The following BMPR1B variants were observed in gnomAD, a reference collection of about 807,000 sequenced individuals.
The protein encoded by BMPR1B is bone morphogenetic protein receptor type-1B.
In BMPR1B, 12 loss-of-function variants were observed where a neutral mutation model predicts 59.1. That is an observed-to-expected ratio of 0.20 (90% CI 0.13 to 0.33). The LOEUF (loss-of-function observed/expected upper bound fraction) is 0.33. BMPR1B is among the 10% of genes least tolerant of loss of function. The probability of loss-of-function intolerance (pLI) is 1.00; values close to 1 mark genes in which losing one functional copy is unlikely to be tolerated. For missense variants in BMPR1B, 550 were observed against 610.9 expected (o/e 0.90, Z 1.05); for synonymous variants, 237 against 207.3 (o/e 1.14, Z -1.23).
rs1215659546 is a variant in BMPR1B at position 95,157,402 on chromosome 4, A to G, written c.*2729A>G. 1 of 152,096 alleles carries G rather than the reference A, an allele frequency of 6.6e-6. No homozygotes were observed. 9.4% of individuals were successfully genotyped at this position (152,096 alleles called of 1,614,324 possible). A position where few individuals can be genotyped will look rare whatever the true frequency, so the allele number is the denominator to read the frequency against. On this transcript the variant is annotated 3_prime_UTR_variant, in exon 13 of 13. Transcript: ENST00000515059. ...AATCCTTTATGATTTCAAAATTTCT[A>G]GTGGCTCAGAAGTGAATTTTATTTT...
intron 3 of BMPR1B, among the ~76,000 whole-genome samples, chr4:95,038,053 G>A (rs924262013): frequency 2.6e-5 from 4 of 152,124 alleles, no homozygotes; most frequent in Non-Finnish European, 5.9e-5. Flanking sequence ...TTTGGGAATG[G>A]GGTGGTTGTA....
At chr4:95,003,998 G>A (rs1045656865) in intron 3 of BMPR1B, among the ~76,000 whole-genome samples, 1 of 151,542 alleles carries the variant, frequency 6.6e-6, no homozygotes, top group South Asian at 2.1e-4. Flanking sequence ...AGTAGAGATA[G>A]GGTTTCACTA....
chr4:94,911,531 A>T (rs115913729), intron 2 of BMPR1B, among the ~76,000 whole-genome samples: 164 of 152,256 alleles, frequency 1.1e-3, no homozygotes, highest in African/African-American at 3.5e-3. Context: ...TGTTTCCGGG[A>T]GTCCTCTAGT....
chr4:94,945,323 T>C (rs977582026), intron 2 of BMPR1B, among the ~76,000 whole-genome samples: 8 of 152,152 alleles, frequency 5.3e-5, no homozygotes, highest in African/African-American at 1.9e-4. Context: ...AGGTAAAAAA[T>C]AAAAATGCTT....
chr4:94,790,818 A>AT (rs1285699491), intron 1 of BMPR1B, among the ~76,000 whole-genome samples: 1 of 152,034 alleles, frequency 6.6e-6, no homozygotes, highest in Non-Finnish European at 1.5e-5. Flanking sequence ...ACCTCTTGTT[A>AT]TTTTTATCAC....
chr4:94,855,813 G>C, intron 1 of BMPR1B, among the ~76,000 whole-genome samples: 1 of 152,116 alleles, frequency 6.6e-6, no homozygotes, highest in East Asian at 1.9e-4. Context: ...TCTTGTGCTT[G>C]GAAGTGAAAT....
chr4:94,906,690 T>G (rs1289251565), intron 2 of BMPR1B, among the ~76,000 whole-genome samples: 1 of 152,054 alleles, frequency 6.6e-6, no homozygotes, highest in Non-Finnish European at 1.5e-5. Flanking sequence ...TCCTTTCATT[T>G]TGTATCTCCT....
At chr4:94,860,663 T>C (rs534299359) in intron 1 of BMPR1B, among the ~76,000 whole-genome samples, 1 of 152,318 alleles carries the variant, frequency 6.6e-6, no homozygotes, top group East Asian at 1.9e-4. Context: ...AGGAGTTTGC[T>C]TCCCCTGTCA....
chr4:95,003,801 CT>C (rs5860385), intron 3 of BMPR1B, among the ~76,000 whole-genome samples: 7 of 84,562 alleles, frequency 8.3e-5, no homozygotes, highest in South Asian at 5.3e-4. Context: ...CAAAGTCCAT[CT>C]TTTTTTTTTT....
intron 3 of BMPR1B, among the ~76,000 whole-genome samples, chr4:95,053,495 ATAAT>A (rs1265891909): frequency 2.0e-5 from 3 of 152,166 alleles, no homozygotes; most frequent in Non-Finnish European, 2.9e-5. Flanking sequence ...AATAGGGATA[ATAAT>A]TATATTTACT....
At chr4:94,873,221 G>A (rs972510195) in intron 1 of BMPR1B, among the ~76,000 whole-genome samples, 1 of 152,058 alleles carries the variant, frequency 6.6e-6, no homozygotes, top group African/African-American at 2.4e-5. Context: ...CCACCTTACT[G>A]AATGACCCTC....
intron 1 of BMPR1B, among the ~76,000 whole-genome samples, chr4:94,795,971 T>A (rs1012826002): frequency 1.8e-5 from 1 of 54,810 alleles, no homozygotes; most frequent in Admixed American, 1.3e-4. Context: ...TTTTTTTAAC[T>A]TTTTTTTTTT....
At chr4:95,014,478 C>T (rs1197570696) in intron 3 of BMPR1B, among the ~76,000 whole-genome samples, 1 of 152,148 alleles carries the variant, frequency 6.6e-6, no homozygotes, top group East Asian at 1.9e-4. Context: ...TTATGTCAAA[C>T]TCCAACTAAT....
intron 1 of BMPR1B, among the ~76,000 whole-genome samples, chr4:94,836,014 G>GT (rs1422387456): frequency 1.4e-5 from 2 of 147,700 alleles, no homozygotes; most frequent in East Asian, 2.0e-4. Context: ...GCGGTGTTTG[G>GT]TTTTTTGTTC....
chr4:94,831,604 A>G (rs1341121789), intron 1 of BMPR1B, among the ~76,000 whole-genome samples: 1 of 151,994 alleles, frequency 6.6e-6, no homozygotes, highest in Non-Finnish European at 1.5e-5. Flanking sequence ...TTTTGCCTTT[A>G]TATTTATTTT....
chr4:95,037,063 A>T (rs1481763689), intron 3 of BMPR1B, among the ~76,000 whole-genome samples: 1 of 152,066 alleles, frequency 6.6e-6, no homozygotes, highest in African/African-American at 2.4e-5. Context: ...AAAGTCTGGG[A>T]CGGGTACATA....
chr4:94,800,258 A>C (rs1723356684), intron 1 of BMPR1B, among the ~76,000 whole-genome samples: 1 of 152,190 alleles, frequency 6.6e-6, no homozygotes, highest in Admixed American at 6.5e-5. Flanking sequence ...TTTGTGCAGG[A>C]AGAGCTTTTG....
At chr4:94,884,796 G>A (rs1440723287) in intron 2 of BMPR1B, among the ~76,000 whole-genome samples, 1 of 152,178 alleles carries the variant, frequency 6.6e-6, no homozygotes. Flanking sequence ...AGACTTCGTA[G>A]TTGTTCCTAT....
At chr4:94,895,323 C>G (rs1727545875) in intron 2 of BMPR1B, among the ~76,000 whole-genome samples, 1 of 151,944 alleles carries the variant, frequency 6.6e-6, no homozygotes, top group South Asian at 2.1e-4. Flanking sequence ...ACAACAGATG[C>G]AGTCAGTGAA....
Sources: allele counts gnomAD v4.1 joint callset (sites outside exome capture counted in the v4.1 genomes callset), GRCh38; gene constraint gnomAD v4.1.1; transcripts MANE v1.5; gene names NCBI Gene and HGNC (gene_info 2026-07-23, HGNC 2026-07-21).